Variants in ZNF546 observed in about 807,000 individuals in gnomAD.
The protein encoded by ZNF546 is CTC-471F3.6.
In ZNF546, 60 loss-of-function variants were observed where a neutral mutation model predicts 76.2. That is an observed-to-expected ratio of 0.79 (90% CI 0.64 to 0.98). ZNF546 has a LOEUF of 0.98. ZNF546 is among the 50% of genes least tolerant of loss of function. ZNF546 has a pLI of 0.00. For synonymous variants in ZNF546, 277 were observed against 328.1 expected, an observed-to-expected ratio of 0.84 and a Z score of 1.68; for missense variants, 936 against 1,035.6, an observed-to-expected ratio of 0.90 and a Z score of 1.32.
In ZNF546 at chr19:40,014,528, A is replaced by G. The variant is rs1971724496; in HGVS notation, c.1258A>G (p.Lys420Glu). The G allele has an allele frequency of 6.2e-7, 1 of 1,614,110 alleles. No homozygotes were observed. The highest frequency in any genetic ancestry group is 8.5e-7 in the Non-Finnish European group (1 of 1,180,008). Residue 420 changes from lysine (K) to glutamate (E), a missense_variant, in exon 7 of 7, where the codon AAG becomes GAG. Lys to Glu is a moderately conservative substitution (Grantham distance 56, BLOSUM62 1). Coordinates refer to ENST00000347077, the MANE Select transcript of ZNF546 (RefSeq NM_178544.5). ...ACCCTACGAATGTAAAGAATGTGGTAAGTCCTTTAGTTTTCATGCAGAACT... is the reference window on the plus strand; with the variant it reads ...ACCCTACGAATGTAAAGAATGTGGTGAGTCCTTTAGTTTTCATGCAGAACT... The part of the protein sequence containing the change: ...EKPYECKECG[K>E]SFSFHAELAR...
intron 3 of ZNF546, among the ~76,000 whole-genome samples, chr19:40,001,452 T>A (rs1247742748): frequency 1.3e-5 from 2 of 151,914 alleles, no homozygotes; most frequent in African/African-American, 4.8e-5. Context: ...AACCTCTGCC[T>A]CCCAGGTTCA....
At chr19:40,005,186 T>A (rs959408471) in intron 3 of ZNF546, among the ~76,000 whole-genome samples, 1 of 151,504 alleles carries the variant, frequency 6.6e-6, no homozygotes, top group Non-Finnish European at 1.5e-5. Flanking sequence ...GCCTAGCTAA[T>A]TTTTTTTGTA....
In ZNF546 at chr19:40,018,948, A is replaced by G. The variant is rs1971817410; in HGVS notation, c.*3167A>G. 1 of 152,186 alleles carries G rather than the reference A, an allele frequency of 6.6e-6. No homozygotes were observed. The highest frequency in any genetic ancestry group is 2.1e-4 in the South Asian group (1 of 4,832). 9.4% of individuals were successfully genotyped at this position (152,186 alleles called of 1,614,324 possible). ...AAATATGGCCTGTTTTAAGCCACTA[A>G]GTTTTGGAGTAGTTTGCCACACAGC... On this transcript the variant is annotated 3_prime_UTR_variant, in exon 7 of 7. Transcript: ENST00000347077.
In ZNF546 at chr19:40,013,660, T is replaced by TTTTTA; in HGVS notation, c.395-5_395-4insTTTTA. ...CTTTGCTTTTTTTTTTTTTTTTTTTTGCAGATTTGGAATACAAGTATATTA... is the reference window on the plus strand; with the variant it reads ...CTTTGCTTTTTTTTTTTTTTTTTTTTTTTTAGCAGATTTGGAATACAAGTATATTA... On this transcript the variant is annotated splice_region_variant and splice_polypyrimidine_tract_variant and intron_variant, in intron 6 of 6. Coordinates refer to ENST00000347077, the MANE Select transcript of ZNF546 (RefSeq NM_178544.5). The TTTTTA allele has an allele frequency of 3.9e-6, 5 of 1,288,536 alleles. No individual in the cohort carries two copies. Among genetic ancestry groups the TTTTTA allele is most frequent in the Non-Finnish European group, 5.0e-6 (5 of 992,802 alleles). The allele number at this position is 1,288,536 out of a possible 1,614,324, so 79.8% of individuals were successfully genotyped here.
At position 40,015,530 on chromosome 19, in the gene ZNF546, T is replaced by C. The variant is rs773337316; in HGVS notation, c.2260T>C (p.Cys754Arg). The C allele has an allele frequency of 1.9e-6, 3 of 1,614,056 alleles. No individual in the cohort carries two copies. In the African/African-American group the frequency reaches 4.0e-5, roughly 22 times the overall value. The change falls in exon 7 of 7, where the codon TGT (cysteine) becomes CGT (arginine). Residue 754 changes from cysteine to arginine, a missense_variant. Transcript: ENST00000347077. ...TGAGAAACCTTATAGCTGTAAAGAA[T>C]GTGGGAATGCCTTTCGTCTTCAAGC... The part of the protein sequence containing the change: ...TGEKPYSCKE[C>R]GNAFRLQAEL...
At chr19:40,000,683 T>C (rs1013364095) in intron 3 of ZNF546, among the ~76,000 whole-genome samples, 1 of 150,350 alleles carries the variant, frequency 6.7e-6, no homozygotes, top group Non-Finnish European at 1.5e-5. Context: ...CAAATATTCA[T>C]GTAAATCTTT....
At chr19:40,002,875 T>A (rs958491442) in intron 3 of ZNF546, among the ~76,000 whole-genome samples, 1 of 151,942 alleles carries the variant, frequency 6.6e-6, no homozygotes, top group Non-Finnish European at 1.5e-5. Flanking sequence ...AATTTTTGTA[T>A]TTTTAGTAGA....
In ZNF546 at chr19:39,997,074, C is replaced by G; in HGVS notation, c.-218C>G. On this transcript the variant is annotated 5_prime_UTR_variant, in exon 1 of 7. Coordinates refer to ENST00000347077, the MANE Select transcript of ZNF546 (RefSeq NM_178544.5). ...GCCCCTTGGGCAGTGTTGCCTGGAC[C>G]CCAAGGGCCCTTTACATTGCGTTCT... 6.6e-6 allele frequency: 1 copy of G among 152,278 alleles called. No homozygotes were observed. Among genetic ancestry groups the G allele is most frequent in the East Asian group, 1.9e-4 (1 of 5,196 alleles). The allele number at this position is 152,278 out of a possible 1,614,324, so 9.4% of individuals were successfully genotyped here. A position where few individuals can be genotyped will look rare whatever the true frequency, so the allele number is the denominator to read the frequency against.
intron 5 of ZNF546, 139 bp from the exon 6 acceptor site, chr19:40,008,331 C>T: frequency 1.9e-6 from 1 of 516,954 alleles, no homozygotes; most frequent in African/African-American, 1.9e-5. Context: ...CCTTTTTCTT[C>T]TTTACTGTCA....
In ZNF546 at chr19:40,006,105, C is replaced by G; in HGVS notation, c.94C>G (p.Leu32Val). The change falls in exon 4 of 7, where the codon CTC becomes GTC. Residue 32 changes from leucine (L) to valine (V), a missense_variant. Transcript: ENST00000347077. Reference protein sequence around the residue: ...LHSLSIMPRFLWILCFSMEET... With the variant: ...LHSLSIMPRFVWILCFSMEET... ...TTGTTCTTCCCCCCAGCCCCGGTTT[C>G]TCTGGATTCTGTGCTTCTCCATGGA... is the stretch of plus-strand genomic sequence containing the variant. 6.2e-7 allele frequency: 1 copy of G among 1,614,040 alleles called. No individual in the cohort carries two copies.
rs1393109001 is a variant in ZNF546 at position 40,006,131 on chromosome 19, G to A, written c.120G>A (p.Glu40=). Residue 40 remains glutamate (E), a synonymous_variant, in exon 4 of 7, where the codon GAG becomes GAA. Transcript: ENST00000347077. Reference sequence around the variant, plus strand: ...TCTGGATTCTGTGCTTCTCCATGGAGGAAACTCAAGGAGAACTGACAAGTT... The same window carrying A: ...TCTGGATTCTGTGCTTCTCCATGGAAGAAACTCAAGGAGAACTGACAAGTT... ...RFLWILCFSM[E]ETQGELTSSC... The A allele has an allele frequency of 1.2e-6, 2 of 1,613,714 alleles. No homozygotes were observed. Among genetic ancestry groups the A allele is most frequent in the African/African-American group, 2.7e-5 (2 of 74,902 alleles).
Position 40,013,640 on chromosome 19 carries a change from C to CTTTT in ZNF546, c.395-8_395-5dup, listed in dbSNP as rs546130223. ...CATTATAGCATTTGTTTACTCTTTG[C>CTTTT]TTTTTTTTTTTTTTTTTTTTGCAGA... is the stretch of plus-strand genomic sequence containing the variant. On this transcript the variant is annotated intron_variant, in intron 6 of 6. Coordinates refer to ENST00000347077, the MANE Select transcript of ZNF546 (RefSeq NM_178544.5). 164 of 1,091,892 alleles carry CTTTT rather than the reference C, an allele frequency of 1.5e-4. 1 individual carries two copies. Among genetic ancestry groups the CTTTT allele is most frequent in the Admixed American group, 2.1e-4 (6 of 28,182 alleles). The allele number at this position is 1,091,892 out of a possible 1,614,324, so 67.6% of individuals were successfully genotyped here. A position where few individuals can be genotyped will look rare whatever the true frequency, so the allele number is the denominator to read the frequency against.
Position 39,998,330 on chromosome 19 carries a change from C to T in ZNF546, c.4C>T (p.Gln2Ter), listed in dbSNP as rs1339964961. The T allele has an allele frequency of 4.3e-6, 7 of 1,613,654 alleles. No homozygotes were observed. Among genetic ancestry groups the T allele is most frequent in the African/African-American group, 1.3e-5 (1 of 74,930 alleles). M[Q>*]VDPPLHGPPN... Reference sequence around the variant, plus strand: ...CCTTTCCAGTGAACAATGGACCATGCAGGTGGACCCTCCTCTTCACGGGCC... The same window carrying T: ...CCTTTCCAGTGAACAATGGACCATGTAGGTGGACCCTCCTCTTCACGGGCC... Residue 2 changes from glutamine to a stop codon, truncating the protein, a stop_gained, in exon 3 of 7, where the codon CAG becomes TAG. Coordinates refer to ENST00000347077, the MANE Select transcript of ZNF546 (RefSeq NM_178544.5). LOFTEE classifies it high-confidence loss of function.
At chr19:40,009,535 T>G (rs898192510) in intron 6 of ZNF546, among the ~76,000 whole-genome samples, 3 of 152,238 alleles carry the variant, frequency 2.0e-5, no homozygotes, top group Non-Finnish European at 4.4e-5. Flanking sequence ...TACAATAAAC[T>G]GCACACATTT....
chr19:40,002,594 C>T (rs767791407), intron 3 of ZNF546, among the ~76,000 whole-genome samples: 3 of 152,150 alleles, frequency 2.0e-5, no homozygotes, highest in Admixed American at 6.5e-5. Flanking sequence ...TCCAATAGAA[C>T]TTTCCATGAT....
At chr19:40,002,226 T>G (rs1261499170) in intron 3 of ZNF546, among the ~76,000 whole-genome samples, 1 of 152,244 alleles carries the variant, frequency 6.6e-6, no homozygotes, top group Non-Finnish European at 1.5e-5. Flanking sequence ...TGACCATAGT[T>G]TATTTAACCT....
chr19:40,011,174 A>C (rs952089104), intron 6 of ZNF546: 1 of 152,048 alleles, frequency 6.6e-6, no homozygotes, highest in African/African-American at 2.4e-5. Flanking sequence ...CCTTTCAGTC[A>C]TATTTAAGAA....
At position 40,014,840 on chromosome 19, in the gene ZNF546, C is replaced by G; in HGVS notation, c.1570C>G (p.Pro524Ala). ...QHYRIHTGEK[P>A]YICNECGKAF... The stretch of plus-strand genomic sequence containing the variant: ...CTACAGAATTCATACTGGTGAGAAA[C>G]CCTACATATGTAACGAATGTGGAAA... Residue 524 changes from proline to alanine, a missense_variant, in exon 7 of 7, where the codon CCC becomes GCC. By Grantham distance (27) the Pro-to-Ala change is conservative. Transcript: ENST00000347077. 6.2e-7 allele frequency: 1 copy of G among 1,613,936 alleles called. No homozygotes were observed. The highest frequency in any genetic ancestry group is 8.5e-7 in the Non-Finnish European group (1 of 1,180,000).
intron 6 of ZNF546, among the ~76,000 whole-genome samples, chr19:40,008,843 G>A (rs935931228): frequency 3.9e-5 from 6 of 152,058 alleles, no homozygotes; most frequent in African/African-American, 7.2e-5. Flanking sequence ...ACCATTTTAC[G>A]TGTGTTTCCA....
Sources: gnomAD v4.1 joint callset for allele counts (sites outside exome capture counted in the v4.1 genomes callset) on GRCh38, gnomAD v4.1.1 for gene constraint, MANE v1.5 for transcripts, NCBI Gene and HGNC (gene_info 2026-07-23, HGNC 2026-07-21) for gene names.